GPC5: variants seen among roughly 807,000 people sequenced by gnomAD.
GPC5 encodes glypican 5.
GPC5 carries 47 observed loss-of-function variants against 53.9 expected under a neutral mutation model. The observed-to-expected ratio is 0.87, with a 90% confidence interval of 0.69 to 1.11. The LOEUF (loss-of-function observed/expected upper bound fraction) is 1.11, where lower values mean the gene tolerates loss of function less well. GPC5 is among the 50% of genes most tolerant of loss of function. The probability of loss-of-function intolerance (pLI) is 0.00; values close to 1 mark genes in which losing one functional copy is unlikely to be tolerated. For synonymous variants in GPC5, 286 were observed against 263.3 expected, an observed-to-expected ratio of 1.09 and a Z score of -0.84; for missense variants, 748 against 713.1, an observed-to-expected ratio of 1.05 and a Z score of -0.56.
chr13:91,505,477 T>C (rs1884891284), intron 2 of GPC5, among the ~76,000 whole-genome samples: 1 of 152,188 alleles, frequency 6.6e-6, no homozygotes, highest in Non-Finnish European at 1.5e-5. Context: ...GGGGACATGA[T>C]GTGACTTTGT....
At chr13:92,484,938 G>A (rs956335389) in intron 7 of GPC5, among the ~76,000 whole-genome samples, 2 of 151,886 alleles carry the variant, frequency 1.3e-5, no homozygotes, top group Admixed American at 6.6e-5. Flanking sequence ...GATTTCACCG[G>A]TTGACCAAGT....
chr13:91,828,030 A>G (rs1323862649), intron 5 of GPC5, among the ~76,000 whole-genome samples: 1 of 152,100 alleles, frequency 6.6e-6, no homozygotes, highest in Non-Finnish European at 1.5e-5. Context: ...GATAGATGCA[A>G]CAACATGGCT....
At chr13:92,748,889 A>G (rs982768356) in intron 7 of GPC5, among the ~76,000 whole-genome samples, 5 of 152,194 alleles carry the variant, frequency 3.3e-5, no homozygotes, top group African/African-American at 1.2e-4. Context: ...AAAAGGGATG[A>G]ATGAATACAA....
rs546327469 is a variant in GPC5, at chr13:92,097,012, A to T, written c.1402-47818A>T. 2.0e-5 allele frequency among the ~76,000 whole-genome samples: 3 copies of T among 152,328 alleles called. No individual in the cohort carries two copies. The South Asian group carries it at 6.2e-4, about 32-fold the overall frequency. The stretch of plus-strand genomic sequence containing the variant: ...GAGTCAAGAGGAAGTGAGAAGCATG[A>T]TAGAGAAAAACTAAAGCACCTAAAC... On this transcript the variant is annotated intron_variant, in intron 6 of 7. Coordinates refer to ENST00000377067, the MANE Select transcript of GPC5 (RefSeq NM_004466.6).
chr13:92,771,085 G>T (rs1158148917), intron 7 of GPC5, among the ~76,000 whole-genome samples: 1 of 152,116 alleles, frequency 6.6e-6, no homozygotes, highest in African/African-American at 2.4e-5. Flanking sequence ...ACTGCCGAGT[G>T]GGTGGGGGCT....
chr13:91,450,501 A>G (rs189399720), intron 2 of GPC5, among the ~76,000 whole-genome samples: 1 of 152,256 alleles, frequency 6.6e-6, no homozygotes. Context: ...GATAGAGCAC[A>G]TTACGTTCAA....
At chr13:91,818,021 AT>A (rs1441372787) in intron 5 of GPC5, among the ~76,000 whole-genome samples, 1 of 152,122 alleles carries the variant, frequency 6.6e-6, no homozygotes, top group Admixed American at 6.5e-5. Context: ...AGTAAGGAAA[AT>A]TTCACCTAAA....
In GPC5 at chr13:92,032,200, T is replaced by G. The variant is rs146454557; in HGVS notation, c.1402-112630T>G. 8.1e-3 allele frequency among the ~76,000 whole-genome samples: 1,219 copies of G among 150,326 alleles called. 13 individuals are homozygous for G. The highest frequency in any genetic ancestry group is 0.028 in the African/African-American group (1,136 of 41,052). On this transcript the variant is annotated intron_variant, in intron 6 of 7. Coordinates refer to ENST00000377067, the MANE Select transcript of GPC5 (RefSeq NM_004466.6). ...CTCAGGAATGGAAAACCAAACATCCTATGTTCTCACTCACAAGTGGGAGCT... is the reference window on the plus strand; with the variant it reads ...CTCAGGAATGGAAAACCAAACATCCGATGTTCTCACTCACAAGTGGGAGCT...
chr13:92,228,132 C>G (rs1316667386), intron 7 of GPC5, among the ~76,000 whole-genome samples: 2 of 150,180 alleles, frequency 1.3e-5, no homozygotes, highest in Non-Finnish European at 3.0e-5. Context: ...TTAGGAGTGG[C>G]AGAGGCATAA....
intron 7 of GPC5, among the ~76,000 whole-genome samples, chr13:92,738,788 G>T (rs918219770): frequency 6.6e-6 from 1 of 152,016 alleles, no homozygotes; most frequent in Non-Finnish European, 1.5e-5. Context: ...CGTGAAAAAG[G>T]TTTACATGGT....
At chr13:91,487,794 G>A (rs931713757) in intron 2 of GPC5, among the ~76,000 whole-genome samples, 2 of 152,008 alleles carry the variant, frequency 1.3e-5, no homozygotes, top group Admixed American at 1.3e-4. Context: ...ATTCCTTCAG[G>A]CCCCATTTTC....
intron 6 of GPC5, among the ~76,000 whole-genome samples, chr13:91,945,762 A>G (rs1490173418): frequency 2.6e-5 from 4 of 152,068 alleles, no homozygotes; most frequent in African/African-American, 4.8e-5. Flanking sequence ...GTAGTGCCCA[A>G]AATGGTTTGG....
At chr13:92,181,173 C>A (rs1180568865) in intron 7 of GPC5, among the ~76,000 whole-genome samples, 2 of 151,998 alleles carry the variant, frequency 1.3e-5, no homozygotes, top group African/African-American at 4.8e-5. Flanking sequence ...TCCACAATAG[C>A]TAGTCTTTAA....
chr13:91,686,263 C>T (rs1464168437), intron 2 of GPC5, among the ~76,000 whole-genome samples: 1 of 151,816 alleles, frequency 6.6e-6, no homozygotes, highest in East Asian at 1.9e-4. Flanking sequence ...ATGTGAAGCA[C>T]CATGAAGCCC....
At chr13:92,840,574 G>T (rs1422563307) in intron 7 of GPC5, among the ~76,000 whole-genome samples, 1 of 151,902 alleles carries the variant, frequency 6.6e-6, no homozygotes, top group Non-Finnish European at 1.5e-5. Context: ...AACTGTTTTG[G>T]CTACTTTGGA....
intron 7 of GPC5, among the ~76,000 whole-genome samples, chr13:92,536,461 C>T (rs936537300): frequency 9.2e-5 from 14 of 152,074 alleles, no homozygotes; most frequent in African/African-American, 1.7e-4. Flanking sequence ...AGAGATAGGC[C>T]CTCTCACCTC....
chr13:92,120,982 A>G (rs2041644326), intron 6 of GPC5, among the ~76,000 whole-genome samples: 2 of 152,346 alleles, frequency 1.3e-5, no homozygotes, highest in South Asian at 4.1e-4. Flanking sequence ...AAAGTTTCTG[A>G]AAAGACCACT....
intron 5 of GPC5, among the ~76,000 whole-genome samples, chr13:91,764,040 T>C (rs557059184): frequency 5.8e-4 from 89 of 152,214 alleles, no homozygotes; most frequent in Non-Finnish European, 1.2e-3. Flanking sequence ...TTTTTATATA[T>C]TTTTTTCTTC....
chr13:91,694,564 T>G (rs2035838857), intron 3 of GPC5, among the ~76,000 whole-genome samples: 1 of 152,230 alleles, frequency 6.6e-6, no homozygotes, highest in African/African-American at 2.4e-5. Context: ...AGTTTTCTAT[T>G]TGTCTCACCT....
Sources: gnomAD v4.1 joint callset for allele counts (sites outside exome capture counted in the v4.1 genomes callset) on GRCh38, gnomAD v4.1.1 for gene constraint, MANE v1.5 for transcripts, NCBI Gene and HGNC (gene_info 2026-07-23, HGNC 2026-07-21) for gene names.